The following PES1 variants were observed in gnomAD, a reference collection of about 807,000 sequenced individuals.
PES1 encodes pescadillo ribosomal biogenesis factor 1, also known as pescadillo homolog.
A neutral mutation model predicts 77.1 loss-of-function variants in PES1; 31 were observed. That is an observed-to-expected ratio of 0.40 (90% CI 0.30 to 0.54). The LOEUF (loss-of-function observed/expected upper bound fraction) is 0.54. Ranked by LOEUF, PES1 falls within the 20% of genes least tolerant of loss-of-function variation. The pLI, the probability that PES1 is intolerant of heterozygous loss-of-function variation, is 0.45. For synonymous variants in PES1, 282 were observed against 303.0 expected, an observed-to-expected ratio of 0.93 and a Z score of 0.72; for missense variants, 658 against 771.7, an observed-to-expected ratio of 0.85 and a Z score of 1.75.
chr22:30,598,912 T>TTTTTTTTTTTTTTTTTTTTTA (rs761643665), intron 2 of PES1, among the ~76,000 whole-genome samples: 1 of 116,414 alleles, frequency 8.6e-6, no homozygotes, highest in Non-Finnish European at 1.7e-5. Flanking sequence ...TTTTTTTTTT[T>TTTTTTTTTTTTTTTTTTTTTA]TTGAGATGGA....
intron 2 of PES1, among the ~76,000 whole-genome samples, chr22:30,598,636 C>T (rs2146492798): frequency 1.3e-5 from 2 of 152,122 alleles, no homozygotes; most frequent in South Asian, 4.1e-4. Flanking sequence ...GCCATGCTGG[C>T]CAGGCTGGTA....
At chr22:30,603,302 G>A (rs1030486820) in intron 2 of PES1, among the ~76,000 whole-genome samples, 1 of 152,160 alleles carries the variant, frequency 6.6e-6, no homozygotes, top group African/African-American at 2.4e-5. Flanking sequence ...CAATGCTCTA[G>A]TTGATGGGAT....
chr22:30,597,729 A>T (rs1333951852), intron 2 of PES1, among the ~76,000 whole-genome samples: 1 of 152,014 alleles, frequency 6.6e-6, no homozygotes, highest in Non-Finnish European at 1.5e-5. Flanking sequence ...GTCAAAACGG[A>T]CCAATCAGCA....
At chr22:30,597,466 A>G (rs140180724) in intron 2 of PES1, among the ~76,000 whole-genome samples, 3,336 of 149,402 alleles carry the variant, frequency 0.022, 24 homozygotes, top group Middle Eastern at 0.042. Context: ...TTGTAAATGC[A>G]CCAATCTGCG....
chr22:30,590,988 T>C (rs1279322836), intron 1 of PES1, among the ~76,000 whole-genome samples: 1 of 152,252 alleles, frequency 6.6e-6, no homozygotes, highest in East Asian at 1.9e-4. Flanking sequence ...ACTTTCACTC[T>C]GAAAGAAACA....
Position 30,589,331 on chromosome 22 carries a change from T to C in PES1, c.25-61A>G, listed in dbSNP as rs899382423. The stretch of plus-strand genomic sequence containing the variant: ...GATTGTAGTGACTGACATCAAACTC[T>C]GGGCATGCCTAGTTCCAGAGGCAAC... On this transcript the variant is annotated intron_variant, in intron 1 of 14. Transcript: ENST00000354694. 8.2e-6 allele frequency: 11 copies of C among 1,343,492 alleles called. No individual in the cohort carries two copies. The African/African-American group carries it at 1.4e-4, about 18-fold the overall frequency. The allele number at this position is 1,343,492 out of a possible 1,614,324, so 83.2% of individuals were successfully genotyped here.
In PES1 at chr22:30,585,271, T is replaced by C. The variant is rs369480067; in HGVS notation, c.369-554A>G. On this transcript the variant is annotated intron_variant, in intron 4 of 14. Transcript: ENST00000354694. ...GGCAGAACCAATGAGACCCAGGGAA[T>C]TGGGTCCAGGAAGAGCCAGAGCAGA... is the stretch of plus-strand genomic sequence containing the variant. 15 of 471,420 alleles carry C rather than the reference T, an allele frequency of 3.2e-5. No homozygotes were observed. The East Asian group carries it at 6.3e-4, about 20-fold the overall frequency. The allele number at this position is 471,420 out of a possible 1,614,324, so 29.2% of individuals were successfully genotyped here.
At chr22:30,580,498 T>C (rs919483815) in intron 10 of PES1, 73 bp downstream of exon 10, 27 of 1,570,302 alleles carry the variant, frequency 1.7e-5, no homozygotes, top group African/African-American at 2.7e-5. Flanking sequence ...ATGTTACCGA[T>C]GGGCACCAGG....
chr22:30,606,388 G>A (rs981551581), intron 1 of PES1, among the ~76,000 whole-genome samples: 1 of 151,866 alleles, frequency 6.6e-6, no homozygotes, highest in Non-Finnish European at 1.5e-5. Context: ...CTGCCACCAC[G>A]CCAGGCTAAT....
At chr22:30,595,250 C>G (rs892356152), upstream of PES1, among the ~76,000 whole-genome samples, 1 of 151,930 alleles carries the variant, frequency 6.6e-6, no homozygotes, top group Non-Finnish European at 1.5e-5. Context: ...TTAAAGAACT[C>G]GGAGACTGGC....
In PES1 at chr22:30,588,172, C is replaced by T. The variant is rs777888431; in HGVS notation, c.107G>A (p.Arg36Gln). 2.0e-5 allele frequency: 33 copies of T among 1,614,106 alleles called. No homozygotes were observed. The highest frequency in any genetic ancestry group is 2.5e-5 in the Non-Finnish European group (29 of 1,180,024). ...ATAAATGCCCTTCAGAATGCACAGC[C>T]GCCTGGAAGACAGAGGCCATCTGTT... is the stretch of plus-strand genomic sequence containing the variant. ...KLQLSLADFR[R>Q]LCILKGIYPH... Residue 36 changes from arginine (R) to glutamine (Q), a missense_variant and splice_region_variant, in exon 3 of 15, where the codon CGG becomes CAG. By Grantham distance (43) the Arg-to-Gln change is conservative. Coordinates refer to ENST00000354694, the MANE Select transcript of PES1 (RefSeq NM_014303.4).
chr22:30,580,157 G>A lies in PES1; in HGVS notation c.1065C>T (p.Ser355=), dbSNP rs2086961218. The change falls in exon 11 of 15, where the codon TCC becomes TCT. Residue 355 remains serine (S), a synonymous_variant. Coordinates refer to ENST00000354694, the MANE Select transcript of PES1 (RefSeq NM_014303.4). ...CCCCAATGCACAAAGATTTGTCCCA[G>A]GACACTTCCCCACCAAAACTCCTAC... The part of the protein sequence containing the change: ...FIIRSFGGEV[S]WDKSLCIGAT... 13 of 1,613,604 alleles carry A rather than the reference G, an allele frequency of 8.1e-6. No homozygotes were observed. The highest frequency in any genetic ancestry group is 1.1e-5 in the Non-Finnish European group (13 of 1,179,726).
At chr22:30,591,520 A>G (rs1175780914) in intron 1 of PES1, among the ~76,000 whole-genome samples, 1 of 152,222 alleles carries the variant, frequency 6.6e-6, no homozygotes. Flanking sequence ...CCTTTCGGTA[A>G]ATAGTGGTCC....
chr22:30,579,765 C>T lies in PES1; in HGVS notation c.1340G>A (p.Arg447Gln), dbSNP rs774519435. 29 of 1,613,718 alleles carry T rather than the reference C, an allele frequency of 1.8e-5. No individual in the cohort carries two copies. The highest frequency in any genetic ancestry group is 2.7e-5 in the African/African-American group (2 of 74,918). Residue 447 changes from arginine (R) to glutamine (Q), a missense_variant, in exon 12 of 15, where the codon CGG becomes CAG. Arg to Gln is a conservative substitution (Grantham distance 43). Coordinates refer to ENST00000354694, the MANE Select transcript of PES1 (RefSeq NM_014303.4). ...ATCCCGCTCACCTGGGTCCTCTCCC[C>T]GCTGCAGAGCCAGCAGCTTCAGCTT... ...PEKLKLLALQRGEDPGNLNES... is the reference protein window; with the variant it reads ...PEKLKLLALQQGEDPGNLNES...
In PES1 at chr22:30,580,857, C is replaced by T. The variant is rs932127618; in HGVS notation, c.912+155G>A. Among the ~76,000 whole-genome samples, 15 of 152,212 alleles carry T rather than the reference C, an allele frequency of 9.9e-5. 1 individual carries two copies. The highest frequency in any genetic ancestry group is 2.9e-5 in the Non-Finnish European group (2 of 68,042). On this transcript the variant is annotated intron_variant, in intron 9 of 14. Coordinates refer to ENST00000354694, the MANE Select transcript of PES1 (RefSeq NM_014303.4). ...CCCCACTCCTGAGCTCTGTTGCCTC[C>T]TATGTAAACTCTGATGACAATTCAG...
At chr22:30,605,563 G>A (rs115190457) in intron 1 of PES1, 2 of 895,124 alleles carry the variant, frequency 2.2e-6, no homozygotes, top group South Asian at 5.1e-5. Flanking sequence ...CAGGCAGAGG[G>A]TTGGGGGAGC....
intron 2 of PES1, among the ~76,000 whole-genome samples, chr22:30,597,411 A>AG (rs1437665235): frequency 6.6e-6 from 1 of 151,384 alleles, no homozygotes; most frequent in Non-Finnish European, 1.5e-5. Flanking sequence ...ATGTAGCTCA[A>AG]GGTTCGTAAA....
At chr22:30,596,939 G>A (rs1051929314) in intron 2 of PES1, among the ~76,000 whole-genome samples, 11 of 152,306 alleles carry the variant, frequency 7.2e-5, no homozygotes, top group South Asian at 2.1e-4. Flanking sequence ...TGAGCTTGGC[G>A]GGCCCGCACT....
At position 30,584,370 on chromosome 22, in the gene PES1, G is replaced by C. The variant is rs752258503; in HGVS notation, c.625C>G (p.His209Asp). 6.2e-7 allele frequency: 1 copy of C among 1,608,926 alleles called. No individual in the cohort carries two copies. The highest frequency in any genetic ancestry group is 8.5e-7 in the Non-Finnish European group (1 of 1,177,142). Residue 209 changes from histidine to aspartate, a missense_variant, in exon 6 of 15, where the codon CAT (histidine) becomes GAT (aspartate). By Grantham distance (81) the His-to-Asp change is moderately conservative. Coordinates refer to ENST00000354694, the MANE Select transcript of PES1 (RefSeq NM_014303.4). ...IVWITPYAFS[H>D]DHPTDVDYRV... is the part of the protein sequence containing the mutation. ...CTCCCGACAGGCACACTCACGTCAT[G>C]GGAGAAGGCATAGGGAGTGATCCAC...
Sources: gnomAD v4.1 joint callset for allele counts (sites outside exome capture counted in the v4.1 genomes callset) on GRCh38, gnomAD v4.1.1 for gene constraint, MANE v1.5 for transcripts, NCBI Gene and HGNC (gene_info 2026-07-23, HGNC 2026-07-21) for gene names.